Variants in SGCD observed in about 807,000 individuals in gnomAD.
SGCD encodes sarcoglycan delta, also known as delta-sarcoglycan.
In SGCD, 18 loss-of-function variants were observed where a neutral mutation model predicts 36.6. That is an observed-to-expected ratio of 0.49 (90% CI 0.34 to 0.73). The LOEUF is 0.73. SGCD is among the 30% of genes least tolerant of loss of function. The pLI is 0.01. For missense variants in SGCD, 387 were observed against 346.7 expected (o/e 1.12, Z -0.92); for synonymous variants, 133 against 130.6 (o/e 1.02, Z -0.12).
intron 7 of SGCD, among the ~76,000 whole-genome samples, chr5:156,668,981 C>T (rs886528119): frequency 1.3e-5 from 2 of 152,124 alleles, no homozygotes; most frequent in Admixed American, 6.6e-5. Context: ...AAAAAAGGGC[C>T]TGGGTCAGCA....
intron 1 of SGCD, among the ~76,000 whole-genome samples, chr5:155,922,591 G>GA (rs1328964182): frequency 6.6e-6 from 1 of 152,090 alleles, no homozygotes; most frequent in Non-Finnish European, 1.5e-5. Context: ...AAGTTCAAAG[G>GA]AATTTTGCAG....
At chr5:156,623,800 A>G (rs1581274707) in intron 6 of SGCD, among the ~76,000 whole-genome samples, 1 of 152,322 alleles carries the variant, frequency 6.6e-6, no homozygotes, top group East Asian at 1.9e-4. Context: ...TCAGCTGCCA[A>G]GGAAAATGAC....
chr5:156,188,800 G>A (rs1045303227), intron 3 of SGCD, among the ~76,000 whole-genome samples: 6 of 151,340 alleles, frequency 4.0e-5, no homozygotes, highest in Non-Finnish European at 5.9e-5. Context: ...GACCGAGAGC[G>A]TAACCACATC....
intron 3 of SGCD, among the ~76,000 whole-genome samples, chr5:156,253,359 AG>A (rs1400812925): frequency 3.9e-5 from 6 of 152,198 alleles, no homozygotes; most frequent in African/African-American, 1.4e-4. Flanking sequence ...TCAAATGACT[AG>A]GAGAGGCTAA....
At chr5:156,742,346 A>G (rs1393516002) in intron 7 of SGCD, among the ~76,000 whole-genome samples, 1 of 151,958 alleles carries the variant, frequency 6.6e-6, no homozygotes, top group Non-Finnish European at 1.5e-5. Flanking sequence ...ATTTCAAACA[A>G]ACTCATGATG....
At chr5:156,232,876 C>A (rs148156807) in intron 3 of SGCD, among the ~76,000 whole-genome samples, 1 of 152,104 alleles carries the variant, frequency 6.6e-6, no homozygotes, top group Non-Finnish European at 1.5e-5. Flanking sequence ...TTAAAAGGAC[C>A]ATTTATCCCA....
intron 6 of SGCD, among the ~76,000 whole-genome samples, chr5:156,634,561 G>T (rs562602403): frequency 6.6e-6 from 1 of 152,248 alleles, no homozygotes; most frequent in South Asian, 2.1e-4. Flanking sequence ...TATATGATTT[G>T]ATAGAAAACA....
At chr5:156,479,898 C>T (rs184553323) in intron 3 of SGCD, among the ~76,000 whole-genome samples, 5 of 152,320 alleles carry the variant, frequency 3.3e-5, no homozygotes, top group Admixed American at 2.0e-4. Flanking sequence ...AGAAGTTACC[C>T]GCTTTGACCT....
At chr5:155,805,142 G>A in the SGCD span, among the ~76,000 whole-genome samples, 1 of 152,180 alleles carries the variant, frequency 6.6e-6, no homozygotes, top group Non-Finnish European at 1.5e-5. Context: ...AAATTATGAT[G>A]AAAGATATAA....
intron 1 of SGCD, among the ~76,000 whole-genome samples, chr5:155,901,149 A>G (rs1306467464): frequency 6.6e-6 from 1 of 151,896 alleles, no homozygotes; most frequent in African/African-American, 2.4e-5. Context: ...TGTCACTACT[A>G]AAAATACAAA....
intron 7 of SGCD, among the ~76,000 whole-genome samples, chr5:156,755,964 G>T (rs1757319744): frequency 1.3e-5 from 2 of 152,148 alleles, no homozygotes; most frequent in Admixed American, 1.3e-4. Flanking sequence ...GCTCCGTAGT[G>T]GATCTTACTG....
chr5:156,483,609 G>A (rs1447860626), intron 3 of SGCD, among the ~76,000 whole-genome samples: 6 of 152,274 alleles, frequency 3.9e-5, no homozygotes, highest in East Asian at 1.9e-4. Context: ...GGGTGCATTC[G>A]GATTATTTCT....
chr5:155,756,849 A>T, the SGCD span, among the ~76,000 whole-genome samples: 1 of 152,214 alleles, frequency 6.6e-6, no homozygotes, highest in Non-Finnish European at 1.5e-5. Flanking sequence ...TGAGTTGTAC[A>T]CACTGGTGTA....
At chr5:156,166,553 C>T (rs1308653375) in intron 3 of SGCD, among the ~76,000 whole-genome samples, 1 of 152,178 alleles carries the variant, frequency 6.6e-6, no homozygotes, top group African/African-American at 2.4e-5. Flanking sequence ...ATCTCCTGAC[C>T]TCGTGATCCG....
At chr5:156,394,258 T>C (rs1771736801) in intron 3 of SGCD, among the ~76,000 whole-genome samples, 1 of 152,346 alleles carries the variant, frequency 6.6e-6, no homozygotes, top group Middle Eastern at 3.4e-3. Context: ...CAGATTGTGA[T>C]AAGCAGTTGT....
intron 1 of SGCD, among the ~76,000 whole-genome samples, chr5:156,083,409 C>G (rs1343397057): frequency 6.6e-6 from 1 of 151,912 alleles, no homozygotes; most frequent in Non-Finnish European, 1.5e-5. Flanking sequence ...ATTCTCCCAC[C>G]ACAGCCTCCC....
At chr5:156,657,859 T>C (rs1363964213) in intron 7 of SGCD, among the ~76,000 whole-genome samples, 7 of 123,860 alleles carry the variant, frequency 5.7e-5, no homozygotes, top group Non-Finnish European at 1.2e-4. Context: ...CCCGCCAGCC[T>C]CTGAGTTCCC....
intron 3 of SGCD, among the ~76,000 whole-genome samples, chr5:156,465,693 T>G (rs1754691229): frequency 6.6e-6 from 1 of 152,210 alleles, no homozygotes; most frequent in Non-Finnish European, 1.5e-5. Flanking sequence ...AACTTTCTCT[T>G]GTCCCACACT....
intron 1 of SGCD, among the ~76,000 whole-genome samples, chr5:155,918,789 C>T (rs1756810471): frequency 6.6e-6 from 1 of 152,198 alleles, no homozygotes; most frequent in African/African-American, 2.4e-5. Context: ...TCAGACTTGG[C>T]TTCTATGCAA....
Sources: allele counts gnomAD v4.1 joint callset (sites outside exome capture counted in the v4.1 genomes callset), GRCh38; gene constraint gnomAD v4.1.1; transcripts MANE v1.5; gene names NCBI Gene and HGNC (gene_info 2026-07-23, HGNC 2026-07-21).